Variants in CNOT4 observed in about 807,000 individuals in gnomAD.
CNOT4 encodes the protein CCR4-NOT transcription complex subunit 4.
A neutral mutation model predicts 73.8 loss-of-function variants in CNOT4; 8 were observed. That is an observed-to-expected ratio of 0.11 (90% CI 0.06 to 0.20). The LOEUF (loss-of-function observed/expected upper bound fraction) is 0.20. Among genes scored for constraint, CNOT4 ranks in the 10% least tolerant of loss-of-function variants. The probability of loss-of-function intolerance (pLI) is 1.00; values close to 1 mark genes in which losing one functional copy is unlikely to be tolerated. For missense variants in CNOT4, 564 were observed against 883.4 expected (o/e 0.64, Z 4.58); for synonymous variants, 293 against 321.1 (o/e 0.91, Z 0.94).
rs759047664 is a variant in CNOT4, at chr7:135,363,967, T to G, written c.1727A>C (p.Asn576Thr). 4 of 1,598,440 alleles carry G rather than the reference T, an allele frequency of 2.5e-6. No individual in the cohort carries two copies. In the East Asian group the frequency reaches 8.9e-5, roughly 36 times the overall value. The change falls in exon 11 of 12, where the codon AAT (asparagine) becomes ACT (threonine). Residue 576 changes from asparagine (N) to threonine (T), a missense_variant. Asn to Thr is a moderately conservative substitution (Grantham distance 65). Coordinates refer to ENST00000541284, the MANE Select transcript of CNOT4 (RefSeq NM_001190850.2). The surrounding 1 kb of genome is among the most constrained non-coding windows in gnomAD (Gnocchi z 4.3). ...GTTGGCGTTGGAGGGGGAAGAAGAA[T>G]TGGGCAGTCCACCAAAGTTGATGTT... ...NININFGGLP[N>T]SSSPSNANHS... is the part of the protein sequence containing the mutation.
chr7:135,368,561 T>G (rs1051022639), intron 10 of CNOT4, among the ~76,000 whole-genome samples: 1 of 152,162 alleles, frequency 6.6e-6, no homozygotes, highest in East Asian at 1.9e-4. Context: ...ATATGCTACA[T>G]AAGTTCAGTA....
chr7:135,414,485 T>TA (rs1797744788), intron 4 of CNOT4, 53 bp from the exon 5 acceptor site: 12 of 816,948 alleles, frequency 1.5e-5, no homozygotes, highest in Non-Finnish European at 2.5e-5. Flanking sequence ...TAAACAATAC[T>TA]AAAAAAATTC....
intron 3 of CNOT4, among the ~76,000 whole-genome samples, chr7:135,416,014 CTT>C (rs2129484260): frequency 6.6e-6 from 1 of 152,238 alleles, no homozygotes; most frequent in South Asian, 2.1e-4. Flanking sequence ...CTCTTACAAA[CTT>C]AACCTTGGCT....
In CNOT4 at chr7:135,364,688, T is replaced by TGGAATAA. The variant is rs1291769231; in HGVS notation, c.1628-629_1628-623dup. 6.6e-6 allele frequency among the ~76,000 whole-genome samples: 1 copy of TGGAATAA among 152,242 alleles called. No individual in the cohort carries two copies. The highest frequency in any genetic ancestry group is 2.4e-5 in the African/African-American group (1 of 41,466). On this transcript the variant is annotated intron_variant, in intron 10 of 11. Coordinates refer to ENST00000541284, the MANE Select transcript of CNOT4 (RefSeq NM_001190850.2). The surrounding 1 kb of genome is among the most constrained non-coding windows in gnomAD (Gnocchi z 4.3). ...GAGGCAGGAGCTGATACCTTCTAGA[T>TGGAATAA]GGAATAATTTCCAACACAGTCTGCC...
chr7:135,395,822 G>C lies in CNOT4; in HGVS notation c.941C>G (p.Pro314Arg). 2 of 1,612,392 alleles carry C rather than the reference G, an allele frequency of 1.2e-6. No homozygotes were observed. The highest frequency in any genetic ancestry group is 2.2e-5 in the South Asian group (2 of 91,048). Residue 314 changes from proline to arginine, a missense_variant, in exon 9 of 12, where the codon CCC (proline) becomes CGC (arginine). Transcript: ENST00000541284. Reference protein sequence around the residue: ...PGLSKSNPVIPISSSNHSARS... With the variant: ...PGLSKSNPVIRISSSNHSARS... Reference sequence around the variant, plus strand: ...TGCACTGTGATTGGATGAACTGATGGGGATGACTGGATTGGATTTTGACAA... The same window carrying C: ...TGCACTGTGATTGGATGAACTGATGCGGATGACTGGATTGGATTTTGACAA...
At chr7:135,411,728 A>T (rs1258641333) in intron 6 of CNOT4, among the ~76,000 whole-genome samples, 2 of 152,004 alleles carry the variant, frequency 1.3e-5, no homozygotes, top group Non-Finnish European at 2.9e-5. Context: ...GATGTTATAC[A>T]ACAAAACCAA....
intron 7 of CNOT4, among the ~76,000 whole-genome samples, chr7:135,403,186 A>G (rs1020939457): frequency 6.6e-6 from 1 of 152,240 alleles, no homozygotes; most frequent in African/African-American, 2.4e-5. Flanking sequence ...GTTACCATAT[A>G]TACAAATACA....
chr7:135,421,324 A>G (rs1798181260), intron 3 of CNOT4, among the ~76,000 whole-genome samples: 1 of 152,164 alleles, frequency 6.6e-6, no homozygotes, highest in Non-Finnish European at 1.5e-5. Context: ...TACCATGCCA[A>G]GTATTACTTT....
intron 1 of CNOT4, chr7:135,444,723 A>C: frequency 7.6e-7 from 1 of 1,323,096 alleles, no homozygotes; most frequent in African/African-American, 1.4e-5. Context: ...TTGCTCTGCG[A>C]TGGGCTATTC....
chr7:135,384,099 C>A (rs995337781), intron 10 of CNOT4, among the ~76,000 whole-genome samples: 10 of 152,028 alleles, frequency 6.6e-5, no homozygotes. Flanking sequence ...CTTATTCTCA[C>A]AAAAGACTTT....
chr7:135,425,414 A>T (rs1424833525), intron 2 of CNOT4, among the ~76,000 whole-genome samples: 1 of 152,144 alleles, frequency 6.6e-6, no homozygotes, highest in Admixed American at 6.5e-5. Flanking sequence ...TGCAATATCA[A>T]CTCTTATCAA....
chr7:135,396,870 C>A (rs1796724785), intron 8 of CNOT4, among the ~76,000 whole-genome samples: 1 of 152,054 alleles, frequency 6.6e-6, no homozygotes, highest in Non-Finnish European at 1.5e-5. Context: ...ACATACAAAC[C>A]AATTTTAAAA....
chr7:135,485,236 C>A (rs766753789), intron 1 of CNOT4, among the ~76,000 whole-genome samples: 4 of 152,096 alleles, frequency 2.6e-5, no homozygotes, highest in Admixed American at 6.6e-5. Flanking sequence ...CCACACCCAG[C>A]TAATTTTTGT....
At chr7:135,437,477 C>A (rs969001443) in intron 2 of CNOT4, among the ~76,000 whole-genome samples, 15 of 151,588 alleles carry the variant, frequency 9.9e-5, no homozygotes, top group African/African-American at 2.7e-4. Flanking sequence ...GCGTGAGCCA[C>A]CGCGCCCGGC....
At chr7:135,420,650 C>T (rs963785468) in intron 3 of CNOT4, among the ~76,000 whole-genome samples, 17 of 150,768 alleles carry the variant, frequency 1.1e-4, no homozygotes, top group African/African-American at 4.1e-4. Context: ...CATAAGTGCC[C>T]GTTGGTTAGA....
rs1018066231 is a variant in CNOT4, at chr7:135,420,595, A to C, written c.372+1561T>G. On this transcript the variant is annotated intron_variant, in intron 3 of 11. Coordinates refer to ENST00000541284, the MANE Select transcript of CNOT4 (RefSeq NM_001190850.2). The stretch of plus-strand genomic sequence containing the variant: ...ATGTCTCCAAAAAAAAAAAAAAAAA[A>C]AAAAGTAGATTCTAATCAGTAAGAT... Among the ~76,000 whole-genome samples, 2 of 151,278 alleles carry C rather than the reference A, an allele frequency of 1.3e-5. 1 individual carries two copies. Among genetic ancestry groups the C allele is most frequent in the Admixed American group, 1.3e-4 (2 of 15,172 alleles).
At chr7:135,487,029 T>A (rs1051017291) in intron 1 of CNOT4, among the ~76,000 whole-genome samples, 4 of 152,200 alleles carry the variant, frequency 2.6e-5, no homozygotes, top group Non-Finnish European at 5.9e-5. Flanking sequence ...TGTGAACTTT[T>A]ATGACTTTGC....
intron 1 of CNOT4, among the ~76,000 whole-genome samples, chr7:135,460,897 AT>A (rs545096998): frequency 3.2e-4 from 48 of 152,224 alleles, no homozygotes; most frequent in South Asian, 2.5e-3. Context: ...GATTCAACAA[AT>A]TTTTTTCTGC....
At chr7:135,461,897 T>A (rs976615523) in intron 1 of CNOT4, among the ~76,000 whole-genome samples, 5 of 152,106 alleles carry the variant, frequency 3.3e-5, no homozygotes, top group African/African-American at 1.2e-4. Flanking sequence ...ATATTAAAAA[T>A]TAACTGTCTT....
Sources: allele counts gnomAD v4.1 joint callset (sites outside exome capture counted in the v4.1 genomes callset), GRCh38; gene constraint gnomAD v4.1.1; non-coding constraint Gnocchi (gnomAD v3.1); transcripts MANE v1.5; gene names NCBI Gene and HGNC (gene_info 2026-07-23, HGNC 2026-07-21).